The following TGS1 variants were observed in gnomAD, a reference collection of about 807,000 sequenced individuals.
The protein encoded by TGS1 is trimethylguanosine synthase.
A neutral mutation model predicts 92.2 loss-of-function variants in TGS1; 69 were observed. The ratio of observed to expected loss-of-function variants is 0.75; its 90% CI spans 0.62 to 0.91. The LOEUF is 0.91. Ranked by LOEUF, TGS1 falls within the 40% of genes least tolerant of loss-of-function variation. The pLI is 0.00. For synonymous variants in TGS1, 345 were observed against 338.1 expected, an observed-to-expected ratio of 1.02 and a Z score of -0.22; for missense variants, 1,062 against 1,001.2, an observed-to-expected ratio of 1.06 and a Z score of -0.82.
At chr8:55,781,672 G>T (rs1811565969) in intron 1 of TGS1, among the ~76,000 whole-genome samples, 1 of 152,148 alleles carries the variant, frequency 6.6e-6, no homozygotes, top group Non-Finnish European at 1.5e-5. Context: ...TCACCCCCTT[G>T]CCTGTTCATC....
intron 3 of TGS1, 47 bp downstream of exon 3, chr8:55,785,938 A>G (rs531426320): frequency 6.8e-7 from 1 of 1,476,532 alleles, no homozygotes; most frequent in Non-Finnish European, 9.3e-7. Flanking sequence ...CGTTTTCTTT[A>G]TAAAATATCG....
chr8:55,790,700 A>G (rs966846970), intron 5 of TGS1, among the ~76,000 whole-genome samples: 1 of 151,868 alleles, frequency 6.6e-6, no homozygotes. Flanking sequence ...AAAATTTTTT[A>G]TAGAGACAGG....
intron 9 of TGS1, among the ~76,000 whole-genome samples, chr8:55,804,535 G>A (rs1812309036): frequency 1.3e-5 from 2 of 152,210 alleles, no homozygotes; most frequent in Non-Finnish European, 2.9e-5. Flanking sequence ...TCAGCGGAGT[G>A]TGGGGGAGCT....
At chr8:55,814,674 A>AAAAAATAT (rs1254531524) in intron 12 of TGS1, among the ~76,000 whole-genome samples, 2 of 123,352 alleles carry the variant, frequency 1.6e-5, no homozygotes, top group African/African-American at 7.1e-5. Context: ...AAAAAAAAAA[A>AAAAAATAT]ATATATATAT....
At chr8:55,788,790 T>C (rs76197327) in intron 4 of TGS1, among the ~76,000 whole-genome samples, 2,013 of 152,268 alleles carry the variant, frequency 0.013, 40 homozygotes, top group African/African-American at 0.046. Flanking sequence ...ATATTAGTAT[T>C]CTGATACTCT....
At chr8:55,807,152 T>A (rs1051078612) in intron 10 of TGS1, among the ~76,000 whole-genome samples, 4 of 152,146 alleles carry the variant, frequency 2.6e-5, no homozygotes, top group Admixed American at 6.6e-5. Context: ...ATGGTCTTGA[T>A]CTCCTGACCT....
In TGS1 at chr8:55,802,532, C is replaced by T; in HGVS notation, c.1925C>T (p.Pro642Leu). 6.2e-7 allele frequency: 1 copy of T among 1,614,048 alleles called. No homozygotes were observed. Among genetic ancestry groups the T allele is most frequent in the Non-Finnish European group, 8.5e-7 (1 of 1,179,994 alleles). ...NGLPPEIAAV[P>L]ELAKYWAQRY... ...CTGCCTCCTGAAATAGCTGCTGTTCCTGAGCTGGCAAAATACTGGGCCCAG... is the reference window on the plus strand; with the variant it reads ...CTGCCTCCTGAAATAGCTGCTGTTCTTGAGCTGGCAAAATACTGGGCCCAG... Residue 642 changes from proline (P) to leucine (L), a missense_variant, in exon 9 of 13, where the codon CCT becomes CTT. Coordinates refer to ENST00000260129, the MANE Select transcript of TGS1 (RefSeq NM_024831.8).
intron 1 of TGS1, among the ~76,000 whole-genome samples, chr8:55,779,526 C>G (rs1408856196): frequency 6.6e-6 from 1 of 152,166 alleles, no homozygotes; most frequent in Non-Finnish European, 1.5e-5. Context: ...AAAAAAATAC[C>G]TGGCTCTTTG....
intron 1 of TGS1, 138 bp from the exon 2 acceptor site, chr8:55,782,610 G>A (rs79116232): frequency 0.023 from 13,465 of 588,726 alleles, 234 homozygotes; most frequent in Non-Finnish European, 0.027. Context: ...TACATTATAA[G>A]TGAGGGAAAT....
chr8:55,795,161 G>T (rs1039893045), intron 6 of TGS1, among the ~76,000 whole-genome samples: 1 of 152,120 alleles, frequency 6.6e-6, no homozygotes, highest in African/African-American at 2.4e-5. Flanking sequence ...ATTTTATTGA[G>T]GAATCCTTGG....
At chr8:55,811,216 A>G (rs1803331414) in intron 11 of TGS1, 119 bp downstream of exon 11, 1 of 813,428 alleles carries the variant, frequency 1.2e-6, no homozygotes, top group African/African-American at 1.7e-5. Context: ...TAATCCTAGC[A>G]CATTGGGAGG....
In TGS1 at chr8:55,804,984, A is replaced by T; in HGVS notation, c.2091A>T (p.Ala697=). Residue 697 remains alanine, a synonymous_variant, in exon 10 of 13, where the codon GCA becomes GCT. Transcript: ENST00000260129. ...QSFKCDVVVD[A]FCGVGGNTIQ... is the part of the protein sequence containing the mutation. ...TCAAGTGTGACGTTGTAGTAGACGC[A>T]TTCTGTGGAGTTGGAGGAAATACCA... 1.2e-6 allele frequency: 2 copies of T among 1,614,096 alleles called. No individual in the cohort carries two copies. Among genetic ancestry groups the T allele is most frequent in the Non-Finnish European group, 1.7e-6 (2 of 1,179,982 alleles).
intron 10 of TGS1, among the ~76,000 whole-genome samples, chr8:55,810,581 T>TA (rs1377825538): frequency 6.6e-6 from 1 of 152,244 alleles, no homozygotes; most frequent in East Asian, 1.9e-4. Flanking sequence ...GGTGGCCACA[T>TA]ATTTGGCACT....
At chr8:55,817,492 A>G (rs1803513754) in intron 12 of TGS1, among the ~76,000 whole-genome samples, 2 of 152,186 alleles carry the variant, frequency 1.3e-5, no homozygotes, top group Admixed American at 1.3e-4. Context: ...TAGCATTTGT[A>G]GTGGTTTTGG....
intron 12 of TGS1, among the ~76,000 whole-genome samples, chr8:55,819,921 T>C (rs986672907): frequency 1.3e-5 from 2 of 152,214 alleles, no homozygotes; most frequent in Admixed American, 1.3e-4. Context: ...TTGGCCTGTG[T>C]GACATTAGGT....
intron 10 of TGS1, among the ~76,000 whole-genome samples, chr8:55,806,994 T>A (rs1419304295): frequency 1.3e-5 from 2 of 151,736 alleles, no homozygotes; most frequent in Non-Finnish European, 2.9e-5. Context: ...GTGGCGCGGA[T>A]CTCGGCTCAC....
chr8:55,786,389 A>T lies in TGS1; in HGVS notation c.491A>T (p.Glu164Val). Residue 164 changes from glutamate to valine, a missense_variant, in exon 4 of 13, where the codon GAG becomes GTG. Transcript: ENST00000260129. ...GATCCATCTTCAATTGAACAGTATG[A>T]GAACACCAGAACATATGAACTTCAA... ...SDDPSSIEQYENTRTYELQSK... is the reference protein window; with the variant it reads ...SDDPSSIEQYVNTRTYELQSK... 6.2e-7 allele frequency: 1 copy of T among 1,613,738 alleles called. No homozygotes were observed. The highest frequency in any genetic ancestry group is 8.5e-7 in the Non-Finnish European group (1 of 1,179,926).
chr8:55,791,224 CAG>C (rs981927554), intron 5 of TGS1, among the ~76,000 whole-genome samples: 3 of 152,196 alleles, frequency 2.0e-5, no homozygotes, highest in African/African-American at 7.2e-5. Flanking sequence ...AGAGTCAAAA[CAG>C]AGTCACTTGT....
chr8:55,807,412 T>C (rs1419115667), intron 10 of TGS1, among the ~76,000 whole-genome samples: 1 of 152,022 alleles, frequency 6.6e-6, no homozygotes, highest in Non-Finnish European at 1.5e-5. Flanking sequence ...AGTAACTGTG[T>C]CAAGTAGGTA....
Sources: gnomAD v4.1 joint callset for allele counts (sites outside exome capture counted in the v4.1 genomes callset) on GRCh38, gnomAD v4.1.1 for gene constraint, MANE v1.5 for transcripts, NCBI Gene and HGNC (gene_info 2026-07-23, HGNC 2026-07-21) for gene names.